Variants in NSMCE2 observed in about 807,000 individuals in gnomAD.
The protein encoded by NSMCE2 is NSE2 SUMO ligase component of SMC5/6 complex, also known as E3 SUMO-protein ligase NSE2.
A neutral mutation model predicts 23.8 loss-of-function variants in NSMCE2; 24 were observed. That is an observed-to-expected ratio of 1.01 (90% CI 0.73 to 1.42). NSMCE2 has a LOEUF of 1.42. Ranked by LOEUF, NSMCE2 falls within the 40% of genes most tolerant of loss-of-function variation. The pLI is 0.00. For missense variants in NSMCE2, 284 were observed against 296.5 expected, an observed-to-expected ratio of 0.96 and a Z score of 0.31; for synonymous variants, 92 against 94.1, an observed-to-expected ratio of 0.98 and a Z score of 0.13.
At chr8:125,307,891 T>A (rs1449198561) in intron 5 of NSMCE2, among the ~76,000 whole-genome samples, 3 of 152,208 alleles carry the variant, frequency 2.0e-5, no homozygotes, top group Non-Finnish European at 4.4e-5. Context: ...TTGACCCACA[T>A]AGTTGTATAC....
chr8:125,116,108 G>T (rs1818995158), intron 3 of NSMCE2, among the ~76,000 whole-genome samples: 1 of 152,132 alleles, frequency 6.6e-6, no homozygotes, highest in Non-Finnish European at 1.5e-5. Flanking sequence ...GCTAACCATG[G>T]ATGAATGGCA....
intron 5 of NSMCE2, among the ~76,000 whole-genome samples, chr8:125,253,461 T>G (rs1247867842): frequency 6.6e-6 from 1 of 152,172 alleles, no homozygotes; most frequent in Non-Finnish European, 1.5e-5. Flanking sequence ...AGATGCAGAG[T>G]TTCGGGTGGA....
At chr8:125,104,516 T>C (rs1255237969) in intron 3 of NSMCE2, among the ~76,000 whole-genome samples, 1 of 152,240 alleles carries the variant, frequency 6.6e-6, no homozygotes, top group Non-Finnish European at 1.5e-5. Context: ...GGATGGAATT[T>C]GAGTGTCTCC....
At chr8:125,241,133 C>A (rs1157976720) in intron 5 of NSMCE2, among the ~76,000 whole-genome samples, 2 of 152,180 alleles carry the variant, frequency 1.3e-5, no homozygotes, top group Non-Finnish European at 2.9e-5. Context: ...TGAGCATTTC[C>A]TTTGAGCACG....
chr8:125,132,647 C>T (rs1819833117), intron 3 of NSMCE2, among the ~76,000 whole-genome samples: 1 of 152,062 alleles, frequency 6.6e-6, no homozygotes, highest in African/African-American at 2.4e-5. Flanking sequence ...ATACACGCTA[C>T]CACACTCGGG....
At chr8:125,122,194 AATG>A (rs1819301139) in intron 3 of NSMCE2, among the ~76,000 whole-genome samples, 1 of 148,596 alleles carries the variant, frequency 6.7e-6, no homozygotes, top group African/African-American at 2.5e-5. Context: ...AAAAAAAAAA[AATG>A]CTGCCTATTA....
At chr8:125,312,485 G>A (rs1426609832) in intron 5 of NSMCE2, among the ~76,000 whole-genome samples, 2 of 152,062 alleles carry the variant, frequency 1.3e-5, no homozygotes, top group Non-Finnish European at 2.9e-5. Flanking sequence ...TTAGCCGGGC[G>A]TGGGTGGCAC....
intron 5 of NSMCE2, among the ~76,000 whole-genome samples, chr8:125,290,058 TCACTAG>T (rs1828048210): frequency 6.6e-6 from 1 of 152,160 alleles, no homozygotes; most frequent in Admixed American, 6.5e-5. Flanking sequence ...TATTACAAAA[TCACTAG>T]TGAGGAAAAT....
chr8:125,209,112 T>A (rs934425799), intron 5 of NSMCE2, among the ~76,000 whole-genome samples: 7 of 152,212 alleles, frequency 4.6e-5, no homozygotes, highest in Admixed American at 3.9e-4. Flanking sequence ...GTGACCAATT[T>A]GATTTTCTAT....
chr8:125,194,786 G>C (rs975489919), intron 5 of NSMCE2, among the ~76,000 whole-genome samples: 1 of 152,006 alleles, frequency 6.6e-6, no homozygotes, highest in African/African-American at 2.4e-5. Context: ...ACCAGCACTT[G>C]GATTATTTTT....
chr8:125,182,066 T>A (rs775088195), intron 4 of NSMCE2, 37 bp from the exon 5 acceptor site: 3 of 1,465,436 alleles, frequency 2.0e-6, no homozygotes, highest in Non-Finnish European at 2.8e-6. Flanking sequence ...CTATTATTAT[T>A]AACATTTAAC....
chr8:125,116,773 T>C (rs1819024898), intron 3 of NSMCE2, among the ~76,000 whole-genome samples: 1 of 152,232 alleles, frequency 6.6e-6, no homozygotes, highest in Admixed American at 6.5e-5. Context: ...CTAAGTGATA[T>C]GTTTGCAGTT....
At chr8:125,332,343 A>G (rs1193128973) in intron 5 of NSMCE2, among the ~76,000 whole-genome samples, 1 of 152,252 alleles carries the variant, frequency 6.6e-6, no homozygotes, top group East Asian at 1.9e-4. Flanking sequence ...GACCTTAGAT[A>G]CATGAGGTAG....
At chr8:125,289,736 T>C (rs2131157723) in intron 5 of NSMCE2, among the ~76,000 whole-genome samples, 1 of 152,360 alleles carries the variant, frequency 6.6e-6, no homozygotes, top group East Asian at 1.9e-4. Context: ...AATTTAAAGC[T>C]TAGGTTTTCT....
At chr8:125,265,676 A>G (rs1465784609) in intron 5 of NSMCE2, among the ~76,000 whole-genome samples, 2 of 152,204 alleles carry the variant, frequency 1.3e-5, no homozygotes, top group African/African-American at 4.8e-5. Flanking sequence ...TTAATTCTGT[A>G]GGTCATATGA....
At chr8:125,352,218 C>T (rs1012431555) in intron 5 of NSMCE2, among the ~76,000 whole-genome samples, 2 of 152,030 alleles carry the variant, frequency 1.3e-5, no homozygotes, top group Non-Finnish European at 2.9e-5. Flanking sequence ...TGGTGGCTCA[C>T]GCCTGTAATC....
At chr8:125,192,055 A>T (rs532899562) in intron 5 of NSMCE2, among the ~76,000 whole-genome samples, 2 of 152,228 alleles carry the variant, frequency 1.3e-5, no homozygotes, top group Admixed American at 6.5e-5. Flanking sequence ...AAGTTTAAAC[A>T]CAAACTGTGA....
intron 4 of NSMCE2, among the ~76,000 whole-genome samples, chr8:125,172,726 CA>C (rs1822280650): frequency 6.6e-6 from 1 of 152,098 alleles, no homozygotes; most frequent in Non-Finnish European, 1.5e-5. Flanking sequence ...TATGTCAGAC[CA>C]AAAAATAAAT....
At chr8:125,193,427 TAAAC>T (rs774694501) in intron 5 of NSMCE2, among the ~76,000 whole-genome samples, 11 of 152,220 alleles carry the variant, frequency 7.2e-5, no homozygotes, top group Non-Finnish European at 1.5e-4. Context: ...CAAAAGAAGA[TAAAC>T]AAATGGCTAA....
Sources: gnomAD v4.1 joint callset for allele counts (sites outside exome capture counted in the v4.1 genomes callset) on GRCh38, gnomAD v4.1.1 for gene constraint, MANE v1.5 for transcripts, NCBI Gene and HGNC (gene_info 2026-07-23, HGNC 2026-07-21) for gene names.